Variants in GALNT13 observed in about 807,000 individuals in gnomAD.
GALNT13 encodes the protein polypeptide N-acetylgalactosaminyltransferase 13.
A neutral mutation model predicts 64.2 loss-of-function variants in GALNT13; 28 were observed. The ratio of observed to expected loss-of-function variants is 0.44; its 90% CI spans 0.32 to 0.60. GALNT13 has a LOEUF of 0.60. GALNT13 is among the 20% of genes least tolerant of loss of function. GALNT13 has a pLI of 0.05. For missense variants in GALNT13, 577 were observed against 669.8 expected (o/e 0.86, Z 1.53); for synonymous variants, 214 against 224.6 (o/e 0.95, Z 0.42).
At chr2:153,347,181 C>T in the GALNT13 span, among the ~76,000 whole-genome samples, 1 of 152,182 alleles carries the variant, frequency 6.6e-6, no homozygotes, top group Non-Finnish European at 1.5e-5. Context: ...GCATAAAAGC[C>T]CAACCTGGCC....
At chr2:153,304,358 G>A in the GALNT13 span, among the ~76,000 whole-genome samples, 1 of 151,886 alleles carries the variant, frequency 6.6e-6, no homozygotes, top group Non-Finnish European at 1.5e-5. Context: ...TTGGATTGAG[G>A]CAACAAAGAA....
At chr2:154,103,848 G>T (rs1234662898) in intron 3 of GALNT13, among the ~76,000 whole-genome samples, 2 of 152,126 alleles carry the variant, frequency 1.3e-5, no homozygotes, top group African/African-American at 2.4e-5. Flanking sequence ...GTGGGAATGA[G>T]AGTGTGGATG....
chr2:153,834,599 G>A, the GALNT13 span, among the ~76,000 whole-genome samples: 1 of 152,094 alleles, frequency 6.6e-6, no homozygotes, highest in East Asian at 1.9e-4. Context: ...ATAAATATTG[G>A]GAGTTAATAC....
the GALNT13 span, among the ~76,000 whole-genome samples, chr2:153,558,325 C>A: frequency 6.6e-6 from 1 of 152,312 alleles, no homozygotes; most frequent in Non-Finnish European, 1.5e-5. Context: ...TTCCACTGCT[C>A]TGCTTGAGCC....
intron 3 of GALNT13, among the ~76,000 whole-genome samples, chr2:153,996,708 C>G (rs1261580834): frequency 6.6e-6 from 1 of 151,984 alleles, no homozygotes; most frequent in Non-Finnish European, 1.5e-5. Flanking sequence ...TCTTTTATTG[C>G]CTGTGCTTTT....
At chr2:154,245,597 C>G (rs1175686454) in intron 6 of GALNT13, among the ~76,000 whole-genome samples, 1 of 151,994 alleles carries the variant, frequency 6.6e-6, no homozygotes, top group Non-Finnish European at 1.5e-5. Flanking sequence ...TGGAAATAAA[C>G]TTGTTTAGAT....
the GALNT13 span, among the ~76,000 whole-genome samples, chr2:153,425,885 C>G: frequency 6.6e-6 from 1 of 151,732 alleles, no homozygotes; most frequent in African/African-American, 2.4e-5. Context: ...CTTCTTGAGT[C>G]ATTCTGCTTT....
the GALNT13 span, among the ~76,000 whole-genome samples, chr2:153,226,812 G>T: frequency 1.3e-5 from 2 of 152,154 alleles, no homozygotes. Flanking sequence ...ATGGACTTCC[G>T]TTAAACATAA....
At chr2:154,281,017 A>G (rs1301600816) in intron 8 of GALNT13, among the ~76,000 whole-genome samples, 1 of 152,214 alleles carries the variant, frequency 6.6e-6, no homozygotes, top group Non-Finnish European at 1.5e-5. Flanking sequence ...TGTCTTAATA[A>G]TCACTTAAAT....
At position 153,972,043 on chromosome 2, in the gene GALNT13, A is replaced by C. The variant is rs956448256; in HGVS notation, c.142+27404A>C. Among the ~76,000 whole-genome samples, 8 of 152,184 alleles carry C rather than the reference A, an allele frequency of 5.3e-5. No individual in the cohort carries two copies. In the South Asian group the frequency reaches 1.0e-3, roughly 20 times the overall value. Reference sequence around the variant, plus strand: ...GCAGAGAGTATAGTTATGTTGTCACATACCAAGGAATGCTTGGGGTCATCA... The same window carrying C: ...GCAGAGAGTATAGTTATGTTGTCACCTACCAAGGAATGCTTGGGGTCATCA... On this transcript the variant is annotated intron_variant, in intron 3 of 12. Transcript: ENST00000392825.
chr2:153,976,777 C>T (rs184772785), intron 3 of GALNT13, among the ~76,000 whole-genome samples: 5 of 152,044 alleles, frequency 3.3e-5, no homozygotes, highest in Admixed American at 3.3e-4. Flanking sequence ...GTGATTAATT[C>T]CCACAGCACA....
chr2:153,280,165 A>C, the GALNT13 span, among the ~76,000 whole-genome samples: 2 of 152,260 alleles, frequency 1.3e-5, no homozygotes, highest in Admixed American at 1.3e-4. Context: ...AGGTATGTAC[A>C]TAATAGTCTC....
At chr2:154,060,697 A>G (rs1700134103) in intron 3 of GALNT13, among the ~76,000 whole-genome samples, 2 of 152,124 alleles carry the variant, frequency 1.3e-5, no homozygotes, top group African/African-American at 4.8e-5. Context: ...GTATTAGAAG[A>G]CCATTGAAAA....
chr2:153,175,798 G>A, the GALNT13 span, among the ~76,000 whole-genome samples: 1 of 152,132 alleles, frequency 6.6e-6, no homozygotes, highest in Non-Finnish European at 1.5e-5. Flanking sequence ...AGAGGAAAGT[G>A]CCCTGCCAGG....
the GALNT13 span, among the ~76,000 whole-genome samples, chr2:153,103,446 A>G: frequency 7.6e-4 from 116 of 152,296 alleles, 1 homozygote; most frequent in African/African-American, 2.7e-3. Context: ...GTATCTCATT[A>G]CTGTATGTGT....
At chr2:153,378,636 A>G in the GALNT13 span, among the ~76,000 whole-genome samples, 1 of 152,160 alleles carries the variant, frequency 6.6e-6, no homozygotes, top group Non-Finnish European at 1.5e-5. Context: ...CCAGAGGCCA[A>G]GAGTTAAGAA....
chr2:154,121,675 T>C (rs985699095), intron 3 of GALNT13, among the ~76,000 whole-genome samples: 1 of 152,128 alleles, frequency 6.6e-6, no homozygotes, highest in Non-Finnish European at 1.5e-5. Context: ...GTCACAATAC[T>C]ATAGCACCAA....
chr2:154,334,115 A>T (rs1317875868), intron 9 of GALNT13, among the ~76,000 whole-genome samples: 2 of 151,878 alleles, frequency 1.3e-5, no homozygotes, highest in African/African-American at 4.8e-5. Flanking sequence ...AAAACATTCC[A>T]TTCTATCTCC....
intron 8 of GALNT13, among the ~76,000 whole-genome samples, chr2:154,268,666 A>C (rs1287755179): frequency 6.6e-6 from 1 of 152,094 alleles, no homozygotes; most frequent in African/African-American, 2.4e-5. Context: ...TACTCCAAAG[A>C]GAAACAAATG....
Sources: allele counts gnomAD v4.1 joint callset (sites outside exome capture counted in the v4.1 genomes callset), GRCh38; gene constraint gnomAD v4.1.1; transcripts MANE v1.5; gene names NCBI Gene and HGNC (gene_info 2026-07-23, HGNC 2026-07-21).